Variants in SMURF2 observed in about 807,000 individuals in gnomAD.
SMURF2 encodes the protein SMAD specific E3 ubiquitin protein ligase 2.
In SMURF2, 48 loss-of-function variants were observed where a neutral mutation model predicts 109.6. The observed-to-expected ratio is 0.44, with a 90% CI of 0.35 to 0.56. The LOEUF is 0.56. SMURF2 is among the 20% of genes least tolerant of loss of function. The pLI is 0.01. For missense variants in SMURF2, 575 were observed against 909.0 expected (o/e 0.63, Z 4.72); for synonymous variants, 288 against 317.1 (o/e 0.91, Z 0.97).
At chr17:64,564,599 G>C (rs570360642) in intron 10 of SMURF2, among the ~76,000 whole-genome samples, 1 of 152,118 alleles carries the variant, frequency 6.6e-6, no homozygotes, top group Non-Finnish European at 1.5e-5. Context: ...TATAAGAAGA[G>C]GGAAATTAGG....
chr17:64,606,853 A>G (rs149466725), intron 1 of SMURF2, among the ~76,000 whole-genome samples: 282 of 152,294 alleles, frequency 1.9e-3, no homozygotes, highest in African/African-American at 6.6e-3. Context: ...TGAGGGCAAG[A>G]AAGTTTATAA....
intron 2 of SMURF2, 22 bp downstream of exon 2, chr17:64,606,580 G>A (rs782382602): frequency 2.0e-6 from 3 of 1,495,230 alleles, no homozygotes; most frequent in African/African-American, 2.8e-5. Context: ...CAATACACAA[G>A]ATTTAAAGTT....
intron 5 of SMURF2, among the ~76,000 whole-genome samples, chr17:64,587,230 C>T (rs1555687193): frequency 6.6e-6 from 1 of 151,872 alleles, no homozygotes; most frequent in Non-Finnish European, 1.5e-5. Context: ...AGCAAGAGGG[C>T]CATCCTGGTA....
intron 1 of SMURF2, among the ~76,000 whole-genome samples, chr17:64,638,767 T>C (rs1302297792): frequency 6.6e-6 from 1 of 152,242 alleles, no homozygotes; most frequent in Non-Finnish European, 1.5e-5. Flanking sequence ...TGCACGTTTA[T>C]GTCACAATGC....
chr17:64,621,203 T>G (rs1243884615), intron 1 of SMURF2, among the ~76,000 whole-genome samples: 2 of 152,174 alleles, frequency 1.3e-5, no homozygotes, highest in African/African-American at 2.4e-5. Flanking sequence ...GAAAACAAAG[T>G]GCAAAGGTAT....
intron 5 of SMURF2, among the ~76,000 whole-genome samples, chr17:64,588,219 C>T (rs1969693417): frequency 6.6e-6 from 1 of 151,702 alleles, no homozygotes; most frequent in Non-Finnish European, 1.5e-5. Flanking sequence ...ATACATTAGA[C>T]TTCCCACGCT....
chr17:64,579,834 G>A (rs528845760), intron 8 of SMURF2, among the ~76,000 whole-genome samples: 11 of 152,250 alleles, frequency 7.2e-5, no homozygotes, highest in South Asian at 2.1e-4. Context: ...GCCAGGATAC[G>A]AACCTAGGTC....
At chr17:64,641,463 G>A (rs1254318022) in intron 1 of SMURF2, among the ~76,000 whole-genome samples, 1 of 152,162 alleles carries the variant, frequency 6.6e-6, no homozygotes, top group Non-Finnish European at 1.5e-5. Context: ...GGGAGTTCAT[G>A]TTCCCTCTCC....
chr17:64,542,549 A>G lies in SMURF2; in HGVS notation c.*3299T>C, dbSNP rs1423032887. ...ATAAAGTGAACTAATTACATCTAGA[A>G]ATAAAACAACTCAGCATTTGGAACA... On this transcript the variant is annotated 3_prime_UTR_variant, in exon 19 of 19. Coordinates refer to ENST00000262435, the MANE Select transcript of SMURF2 (RefSeq NM_022739.4). The G allele has an allele frequency of 6.6e-6, 1 of 152,184 alleles. No individual in the cohort carries two copies. The highest frequency in any genetic ancestry group is 1.5e-5 in the Non-Finnish European group (1 of 68,046). 9.4% of individuals were successfully genotyped at this position (152,184 alleles called of 1,614,324 possible).
At chr17:64,546,047 G>A in intron 18 of SMURF2, 100 bp from the exon 19 acceptor site, 1 of 900,702 alleles carries the variant, frequency 1.1e-6, no homozygotes, top group South Asian at 1.5e-5. Flanking sequence ...GTGTCACACA[G>A]AAAACTAAAA....
At chr17:64,557,850 A>G in intron 12 of SMURF2, 128 bp from the exon 13 acceptor site, 1 of 555,022 alleles carries the variant, frequency 1.8e-6, no homozygotes, top group Admixed American at 3.4e-5. Flanking sequence ...CACTAACTAC[A>G]GTTATATAAG....
At chr17:64,568,046 G>C (rs1416555695) in intron 10 of SMURF2, among the ~76,000 whole-genome samples, 1 of 151,910 alleles carries the variant, frequency 6.6e-6, no homozygotes, top group African/African-American at 2.4e-5. Context: ...AGTAGAGATG[G>C]GGTTTCACCG....
rs73333936 is a variant in SMURF2, at chr17:64,565,918, A to T, written c.1017-2952T>A. On this transcript the variant is annotated intron_variant, in intron 10 of 18. Coordinates refer to ENST00000262435, the MANE Select transcript of SMURF2 (RefSeq NM_022739.4). ...TCTTAGAAGAATATGCTTCCTTGGC[A>T]AAGTTATTTATTAAACCCCAATGGC... Among the ~76,000 whole-genome samples the T allele has an allele frequency of 2.1e-3, 319 of 152,308 alleles. 1 individual carries two copies. Among genetic ancestry groups the T allele is most frequent in the African/African-American group, 7.3e-3 (304 of 41,572 alleles).
At chr17:64,639,587 G>A (rs1405245093) in intron 1 of SMURF2, among the ~76,000 whole-genome samples, 1 of 151,624 alleles carries the variant, frequency 6.6e-6, no homozygotes, top group African/African-American at 2.4e-5. Context: ...AAAAAAAAAA[G>A]AAAATTAAGG....
chr17:64,636,304 T>C (rs1970415463), intron 1 of SMURF2, among the ~76,000 whole-genome samples: 1 of 151,892 alleles, frequency 6.6e-6, no homozygotes, highest in South Asian at 2.1e-4. Flanking sequence ...TATTGTTGAG[T>C]TTTAAGAGTT....
chr17:64,576,622 C>G (rs781784464), intron 9 of SMURF2, among the ~76,000 whole-genome samples: 1 of 150,998 alleles, frequency 6.6e-6, no homozygotes, highest in African/African-American at 2.5e-5. Flanking sequence ...TGACATTGCA[C>G]CACTGCACTC....
intron 2 of SMURF2, among the ~76,000 whole-genome samples, chr17:64,601,901 AT>A (rs1254637655): frequency 2.7e-5 from 4 of 147,064 alleles, no homozygotes; most frequent in South Asian, 4.2e-4. Context: ...ATATATGTAT[AT>A]ATTTATATAT....
chr17:64,648,747 C>T (rs1970594877), intron 1 of SMURF2, among the ~76,000 whole-genome samples: 1 of 152,132 alleles, frequency 6.6e-6, no homozygotes, highest in Admixed American at 6.6e-5. Flanking sequence ...GAGTGAGACC[C>T]TGTTTCAAAC....
rs1442300756 is a variant in SMURF2 at position 64,598,503 on chromosome 17, A to G, written c.92-13T>C. On this transcript the variant is annotated splice_polypyrimidine_tract_variant and intron_variant, in intron 2 of 18. Transcript: ENST00000262435. ...GGATCAGGAAGTCCTGTGAAAAAAG[A>G]TTTTCTAAAATTAATAATTTGACAT... The G allele has an allele frequency of 2.5e-6, 4 of 1,575,838 alleles. No homozygotes were observed. The highest frequency in any genetic ancestry group is 2.7e-5 in the African/African-American group (2 of 73,524).
Sources: allele counts gnomAD v4.1 joint callset (sites outside exome capture counted in the v4.1 genomes callset), GRCh38; gene constraint gnomAD v4.1.1; transcripts MANE v1.5; gene names NCBI Gene and HGNC (gene_info 2026-07-23, HGNC 2026-07-21).